RTN1: variants seen among roughly 807,000 people sequenced by gnomAD.
RTN1 encodes reticulon-1.
Under a neutral mutation model 65.5 loss-of-function variants are expected in RTN1, and 25 were observed. That is an observed-to-expected ratio of 0.38 (90% confidence interval 0.28 to 0.53). The LOEUF (loss-of-function observed/expected upper bound fraction) is 0.53, where lower values mean the gene tolerates loss of function less well. RTN1 is among the 20% of genes least tolerant of loss of function. The pLI, the probability that RTN1 is intolerant of heterozygous loss-of-function variation, is 0.79. For synonymous variants in RTN1, 471 were observed against 447.6 expected (o/e 1.05, Z -0.66); for missense variants, 983 against 1,025.4 (o/e 0.96, Z 0.57).
intron 3 of RTN1, among the ~76,000 whole-genome samples, chr14:59,701,162 G>A (rs577635547): frequency 1.3e-5 from 2 of 152,208 alleles, no homozygotes; most frequent in Non-Finnish European, 2.9e-5. Context: ...CCACCAGAAT[G>A]GCTAAAATTA....
At chr14:59,746,609 C>A in intron 1 of RTN1, 128 bp from the exon 2 acceptor site, 4 of 716,152 alleles carry the variant, frequency 5.6e-6, no homozygotes, top group Non-Finnish European at 9.0e-6. Flanking sequence ...TCGGAGTTCC[C>A]TCGGAGCTCC....
At chr14:59,647,494 T>C (rs1207618512) in intron 3 of RTN1, among the ~76,000 whole-genome samples, 1 of 152,202 alleles carries the variant, frequency 6.6e-6, no homozygotes, top group Non-Finnish European at 1.5e-5. Flanking sequence ...CAACAGACTA[T>C]ACATTCTTCT....
Position 59,779,552 on chromosome 14 carries a change from G to A in RTN1, c.242-33071C>T, listed in dbSNP as rs114118382. Among the ~76,000 whole-genome samples the A allele has an allele frequency of 3.1e-3, 473 of 151,824 alleles. 3 individuals carry two copies. The highest frequency in any genetic ancestry group is 0.011 in the African/African-American group (438 of 41,362). ...GACCGAGGCGCAGGAGCCAGCAAAGGGGACAAGAGTCCCAACATTCTTATT... is the reference window on the plus strand; with the variant it reads ...GACCGAGGCGCAGGAGCCAGCAAAGAGGACAAGAGTCCCAACATTCTTATT... On this transcript the variant is annotated intron_variant, in intron 1 of 8. Transcript: ENST00000267484.
At chr14:59,748,537 T>C (rs1885277890) in intron 1 of RTN1, among the ~76,000 whole-genome samples, 1 of 152,108 alleles carries the variant, frequency 6.6e-6, no homozygotes, top group Non-Finnish European at 1.5e-5. Context: ...TCCCCACTCC[T>C]GGCAATCCTA....
chr14:59,814,259 C>T (rs1886779937), intron 1 of RTN1, among the ~76,000 whole-genome samples: 1 of 152,202 alleles, frequency 6.6e-6, no homozygotes, highest in African/African-American at 2.4e-5. Context: ...TAAGATCCAG[C>T]ATGGTCAAGA....
intron 1 of RTN1, among the ~76,000 whole-genome samples, chr14:59,749,184 C>CTATA (rs1566711031): frequency 1.7e-5 from 1 of 60,100 alleles, no homozygotes; most frequent in African/African-American, 1.5e-4. Context: ...ATCTATATAT[C>CTATA]TATCTATATA....
At chr14:59,773,730 T>A (rs939182975) in intron 1 of RTN1, among the ~76,000 whole-genome samples, 4 of 152,114 alleles carry the variant, frequency 2.6e-5, no homozygotes, top group African/African-American at 7.2e-5. Flanking sequence ...CTGCCTCTTT[T>A]CAATTATTCA....
chr14:59,787,479 C>T (rs572687856), intron 1 of RTN1, among the ~76,000 whole-genome samples: 2 of 152,350 alleles, frequency 1.3e-5, no homozygotes, highest in Admixed American at 6.5e-5. Context: ...CCTTGGTCAG[C>T]ACTTGGTCAG....
intron 3 of RTN1, among the ~76,000 whole-genome samples, chr14:59,691,438 T>C (rs1176899553): frequency 6.6e-6 from 1 of 152,082 alleles, no homozygotes; most frequent in Non-Finnish European, 1.5e-5. Context: ...TTGAAGTTAG[T>C]AATTAAAACA....
At chr14:59,824,608 G>C (rs1566739320) in intron 1 of RTN1, among the ~76,000 whole-genome samples, 1 of 152,148 alleles carries the variant, frequency 6.6e-6, no homozygotes, top group Non-Finnish European at 1.5e-5. Flanking sequence ...CTTCCCTTTG[G>C]CCAAGCAACA....
intron 3 of RTN1, among the ~76,000 whole-genome samples, chr14:59,671,542 C>G (rs1283510194): frequency 6.6e-6 from 1 of 152,204 alleles, no homozygotes; most frequent in Non-Finnish European, 1.5e-5. Context: ...ATCCTCACAA[C>G]AGACTTACAA....
rs190698262 is a variant in RTN1 at position 59,851,159 on chromosome 14, A to T, written c.241+19231T>A. Among the ~76,000 whole-genome samples the T allele has an allele frequency of 2.5e-3, 378 of 152,364 alleles. 1 individual carries two copies. The highest frequency in any genetic ancestry group is 8.8e-3 in the African/African-American group (366 of 41,590). ...ATATTGACGTGATAATACATGGAGC[A>T]TATCATTCAATATCTTTCAATAAAC... On this transcript the variant is annotated intron_variant, in intron 1 of 8. Transcript: ENST00000267484.
intron 3 of RTN1, among the ~76,000 whole-genome samples, chr14:59,686,942 G>GTC (rs1464673220): frequency 6.6e-6 from 1 of 152,220 alleles, no homozygotes; most frequent in African/African-American, 2.4e-5. Context: ...TTTTATAATA[G>GTC]TCTTAGGTCA....
chr14:59,660,925 C>CA (rs1299301804), intron 3 of RTN1, among the ~76,000 whole-genome samples: 2 of 151,282 alleles, frequency 1.3e-5, no homozygotes, highest in Non-Finnish European at 3.0e-5. Flanking sequence ...AAAAACCCTT[C>CA]AAAAAACCAA....
intron 1 of RTN1, among the ~76,000 whole-genome samples, chr14:59,793,770 G>A (rs192120461): frequency 1.4e-4 from 21 of 151,598 alleles, no homozygotes; most frequent in Admixed American, 1.3e-3. Flanking sequence ...ACTCACTATT[G>A]TGCTACTATC....
intron 1 of RTN1, among the ~76,000 whole-genome samples, chr14:59,765,707 G>A (rs77780365): frequency 0.016 from 2,372 of 151,270 alleles, 43 homozygotes; most frequent in Middle Eastern, 0.028. Flanking sequence ...AATGTGTTCT[G>A]GAAAGGAACC....
At chr14:59,832,599 A>T (rs1256858347) in intron 1 of RTN1, among the ~76,000 whole-genome samples, 2 of 152,230 alleles carry the variant, frequency 1.3e-5, no homozygotes, top group Non-Finnish European at 2.9e-5. Context: ...TGTCTTGAGG[A>T]CATTCCCCAG....
chr14:59,670,803 G>C (rs1292095753), intron 3 of RTN1, among the ~76,000 whole-genome samples: 1 of 152,186 alleles, frequency 6.6e-6, no homozygotes, highest in Admixed American at 6.5e-5. Context: ...ATGATGGCTA[G>C]TATATTTTTG....
intron 3 of RTN1, among the ~76,000 whole-genome samples, chr14:59,695,740 C>A (rs1245337097): frequency 2.0e-5 from 3 of 152,064 alleles, no homozygotes; most frequent in African/African-American, 7.2e-5. Context: ...AAGGATAAAT[C>A]TTTATTTTTC....
Sources: gnomAD v4.1 joint callset for allele counts (sites outside exome capture counted in the v4.1 genomes callset) on GRCh38, gnomAD v4.1.1 for gene constraint, MANE v1.5 for transcripts, NCBI Gene and HGNC (gene_info 2026-07-23, HGNC 2026-07-21) for gene names.